MICA: variants seen among roughly 807,000 people sequenced by gnomAD.
MICA encodes HLA class I antigen.
MICA carries 18 observed loss-of-function variants against 34.3 expected under a neutral mutation model. The ratio of observed to expected loss-of-function variants is 0.52; its 90% confidence interval spans 0.36 to 0.78. The LOEUF (loss-of-function observed/expected upper bound fraction) is 0.78. Among genes scored for constraint, MICA ranks in the 30% least tolerant of loss-of-function variants. MICA has a pLI of 0.00. For synonymous variants in MICA, 135 were observed against 156.9 expected (o/e 0.86, Z 1.04); for missense variants, 333 against 409.4 (o/e 0.81, Z 1.61).
rs747266292 is a variant in MICA at position 31,415,082 on chromosome 6, C to T, written c.*100C>T. ...GTGACCACAGGGATGCCACACAGCT[C>T]GGATTTCAGCCTCTGATGTCAGCTC... On this transcript the variant is annotated 3_prime_UTR_variant, in exon 6 of 6. Coordinates refer to ENST00000449934, the MANE Select transcript of MICA (RefSeq NM_001177519.3). 4 of 1,325,742 alleles carry T rather than the reference C, an allele frequency of 3.0e-6. No individual in the cohort carries two copies. The highest frequency in any genetic ancestry group is 4.3e-6 in the Non-Finnish European group (4 of 930,288). 82.1% of individuals were successfully genotyped at this position (1,325,742 alleles called of 1,614,324 possible).
intron 1 of MICA, among the ~76,000 whole-genome samples, chr6:31,405,624 G>C (rs973449992): frequency 1.3e-5 from 2 of 151,526 alleles, no homozygotes; most frequent in African/African-American, 4.9e-5. Context: ...ATTGTTGACT[G>C]TACTCACCCT....
chr6:31,401,809 G>A (rs1770446211), upstream of MICA, among the ~76,000 whole-genome samples: 1 of 151,854 alleles, frequency 6.6e-6, no homozygotes, highest in South Asian at 2.1e-4. Context: ...TCCAACCTGG[G>A]TTTACTGATT....
At chr6:31,414,174 C>T (rs1230029154) in intron 5 of MICA, among the ~76,000 whole-genome samples, 1 of 151,926 alleles carries the variant, frequency 6.6e-6, no homozygotes, top group Non-Finnish European at 1.5e-5. Context: ...AGAGGGTGGG[C>T]AGAGGCAGCC....
At position 31,412,373 on chromosome 6, in the gene MICA, C is replaced by CTGT. The variant is rs753332103; in HGVS notation, c.944_946dup (p.Val315dup). ...CATTGGCAGACATTCCATGTTTCTG[C>CTGT]TGTTGCTGCTGGCTGCTGCTATTTT... On this transcript the variant is annotated inframe_insertion, in exon 5 of 6. Transcript: ENST00000449934. 4 of 1,518,630 alleles carry CTGT rather than the reference C, an allele frequency of 2.6e-6. No individual in the cohort carries two copies. Among genetic ancestry groups the CTGT allele is most frequent in the South Asian group, 1.2e-5 (1 of 84,672 alleles). 94.1% of individuals were successfully genotyped at this position (1,518,630 alleles called of 1,614,324 possible).
rs369340614 is a variant in MICA, at chr6:31,404,174, A to T, written c.70+472A>T. Reference sequence around the variant, plus strand: ...GCTCCTGGGCCGCAGCTCCTGGAGTAGGGGCCCTCCTTTCTCGGGACCCGG... The same window carrying T: ...GCTCCTGGGCCGCAGCTCCTGGAGTTGGGGCCCTCCTTTCTCGGGACCCGG... On this transcript the variant is annotated intron_variant, in intron 1 of 5. Coordinates refer to ENST00000449934, the MANE Select transcript of MICA (RefSeq NM_001177519.3). 1.1e-4 allele frequency among the ~76,000 whole-genome samples: 17 copies of T among 151,676 alleles called. No individual in the cohort carries two copies. The South Asian group carries it at 1.7e-3, about 15-fold the overall frequency.
intron 5 of MICA, among the ~76,000 whole-genome samples, chr6:31,412,806 A>G (rs2256184): frequency 0.54 from 80,671 of 149,464 alleles, 22,654 homozygotes; most frequent in African/African-American, 0.69. Context: ...GCTGAATGCT[A>G]AGGGCCTGGA....
rs1313317965 is a variant in MICA, at chr6:31,410,730, C to A, written c.258C>A (p.Thr86=). The A allele has an allele frequency of 6.2e-7, 1 of 1,606,686 alleles. No individual in the cohort carries two copies. Among genetic ancestry groups the A allele is most frequent in the Admixed American group, 1.7e-5 (1 of 57,640 alleles). Residue 86 remains threonine (T), a synonymous_variant, in exon 2 of 6, where the codon ACC becomes ACA. Coordinates refer to ENST00000449934, the MANE Select transcript of MICA (RefSeq NM_001177519.3). ...VLGNKTWDRE[T]RDLTGNGKDL... The stretch of plus-strand genomic sequence containing the variant: ...GAAATAAGACATGGGACAGAGAGAC[C>A]AGGGACTTGACAGGGAACGGAAAGG...
At chr6:31,404,559 C>A (rs1177693094) in intron 1 of MICA, among the ~76,000 whole-genome samples, 1 of 151,844 alleles carries the variant, frequency 6.6e-6, no homozygotes, top group Non-Finnish European at 1.5e-5. Context: ...CCCTCCTGCA[C>A]CCCTTATGGG....
chr6:31,401,203 C>T (rs1442532988), upstream of MICA, among the ~76,000 whole-genome samples: 1 of 151,526 alleles, frequency 6.6e-6, no homozygotes. Flanking sequence ...TCTCACTAGG[C>T]TTATGATCTT....
chr6:31,414,127 G>A (rs888824505), intron 5 of MICA, among the ~76,000 whole-genome samples: 1 of 151,930 alleles, frequency 6.6e-6, no homozygotes, highest in Non-Finnish European at 1.5e-5. Context: ...GGTTCTGTGT[G>A]GAGATGGTGG....
At chr6:31,409,971 CCGTT>C (rs66509943) in intron 1 of MICA, among the ~76,000 whole-genome samples, 67,692 of 123,838 alleles carry the variant, frequency 0.55, 16,306 homozygotes, top group East Asian at 0.78. Context: ...CAAGCCCACA[CCGTT>C]CGTTGCTCCC....
Position 31,415,017 on chromosome 6 carries a change from G to C in MICA, c.*35G>C, listed in dbSNP as rs747035374. 5 of 1,483,946 alleles carry C rather than the reference G, an allele frequency of 3.4e-6. No homozygotes were observed. The South Asian group carries it at 4.5e-5, about 13-fold the overall frequency. The allele number at this position is 1,483,946 out of a possible 1,614,324, so 91.9% of individuals were successfully genotyped here. ...CATTTCCCTCTTTTCTCCAGAGCTCGTGAGCCTGCAGGTCCTGGATCAACA... is the reference window on the plus strand; with the variant it reads ...CATTTCCCTCTTTTCTCCAGAGCTCCTGAGCCTGCAGGTCCTGGATCAACA... On this transcript the variant is annotated 3_prime_UTR_variant, in exon 6 of 6. Transcript: ENST00000449934.
At chr6:31,404,159 C>T (rs1209604760) in intron 1 of MICA, among the ~76,000 whole-genome samples, 2 of 151,638 alleles carry the variant, frequency 1.3e-5, no homozygotes, top group African/African-American at 4.9e-5. Flanking sequence ...GCTCCTGGGC[C>T]GCAGCTCCTG....
chr6:31,405,397 C>A (rs2442715), intron 1 of MICA, among the ~76,000 whole-genome samples: 18 of 150,340 alleles, frequency 1.2e-4, no homozygotes, highest in Admixed American at 4.7e-4. Context: ...GCACCCCCAC[C>A]CCTTGCTTTG....
rs1358481390 is a variant in MICA, at chr6:31,415,206, G to A, written c.*224G>A. The A allele has an allele frequency of 2.8e-6, 2 of 722,374 alleles. No homozygotes were observed. Among genetic ancestry groups the A allele is most frequent in the Non-Finnish European group, 5.0e-6 (2 of 404,004 alleles). 44.7% of individuals were successfully genotyped at this position (722,374 alleles called of 1,614,324 possible). On this transcript the variant is annotated 3_prime_UTR_variant, in exon 6 of 6. Transcript: ENST00000449934. The stretch of plus-strand genomic sequence containing the variant: ...TCTCACAAGCACTTTCCCTCTTGGT[G>A]CCTCAGTTTCCTGACCTATGAAACA...
chr6:31,412,901 C>CGGTG (rs1771282217), intron 5 of MICA, among the ~76,000 whole-genome samples: 1 of 151,824 alleles, frequency 6.6e-6, no homozygotes, highest in Non-Finnish European at 1.5e-5. Context: ...TGAGGAGAGG[C>CGGTG]GGTGCCCCTA....
intron 1 of MICA, among the ~76,000 whole-genome samples, chr6:31,409,671 G>T (rs1770968566): frequency 6.6e-6 from 1 of 151,824 alleles, no homozygotes; most frequent in African/African-American, 2.4e-5. Flanking sequence ...TCATATCCAT[G>T]AAAGCACTGT....
At chr6:31,405,912 T>A (rs144648530) in intron 1 of MICA, among the ~76,000 whole-genome samples, 55 of 152,072 alleles carry the variant, frequency 3.6e-4, no homozygotes, top group Middle Eastern at 3.4e-3. Context: ...CACATACACA[T>A]GTACACCACA....
chr6:31,410,781 C>T lies in MICA; in HGVS notation c.309C>T (p.Ile103=), dbSNP rs1393520460. The change falls in exon 2 of 6, where the codon ATC becomes ATT. Residue 103 remains isoleucine, a synonymous_variant. Transcript: ENST00000449934. ...GKDLRMTLAH[I]KDQKEGLHSL... is the part of the protein sequence containing the mutation. ...ACCTCAGGATGACCCTGGCTCATATCAAGGACCAGAAAGAAGGTGAGAGTC... is the reference window on the plus strand; with the variant it reads ...ACCTCAGGATGACCCTGGCTCATATTAAGGACCAGAAAGAAGGTGAGAGTC... 3 of 1,568,364 alleles carry T rather than the reference C, an allele frequency of 1.9e-6. No homozygotes were observed. The African/African-American group carries it at 4.1e-5, about 21-fold the overall frequency.
Sources: allele counts gnomAD v4.1 joint callset (sites outside exome capture counted in the v4.1 genomes callset), GRCh38; gene constraint gnomAD v4.1.1; transcripts MANE v1.5; gene names NCBI Gene and HGNC (gene_info 2026-07-23, HGNC 2026-07-21).